The following WWOX variants were observed in gnomAD, a reference collection of about 807,000 sequenced individuals.
WWOX encodes the protein WW domain containing oxidoreductase.
A neutral mutation model predicts 46.2 loss-of-function variants in WWOX; 69 were observed. The ratio of observed to expected loss-of-function variants is 1.49; its 90% confidence interval spans 1.23 to 1.82. WWOX has a LOEUF of 1.82. WWOX is among the 40% of genes most tolerant of loss of function. The pLI is 0.00. For synonymous variants in WWOX, 359 were observed against 202.6 expected, an observed-to-expected ratio of 1.77 and a Z score of -6.56; for missense variants, 919 against 542.6, an observed-to-expected ratio of 1.69 and a Z score of -6.89.
intron 5 of WWOX, among the ~76,000 whole-genome samples, chr16:78,175,216 C>A (rs1250889960): frequency 2.6e-5 from 4 of 151,880 alleles, no homozygotes; most frequent in African/African-American, 7.3e-5. Flanking sequence ...CAGAGCCTAC[C>A]CTGTGTTCCT....
At chr16:78,831,672 T>C (rs1273798423) in intron 8 of WWOX, among the ~76,000 whole-genome samples, 3 of 152,130 alleles carry the variant, frequency 2.0e-5, no homozygotes, top group Admixed American at 1.3e-4. Flanking sequence ...TAATACTATT[T>C]CCATTGAGAA....
At chr16:79,100,370 C>G (rs1368446633) in intron 8 of WWOX, among the ~76,000 whole-genome samples, 2 of 152,108 alleles carry the variant, frequency 1.3e-5, no homozygotes, top group African/African-American at 2.4e-5. Flanking sequence ...CATTAGTGAT[C>G]CGATTCAGAA....
intron 8 of WWOX, among the ~76,000 whole-genome samples, chr16:78,517,054 T>A (rs940453478): frequency 6.6e-6 from 1 of 152,220 alleles, no homozygotes; most frequent in Admixed American, 6.5e-5. Context: ...ATATAGTTTT[T>A]AAAGTTTTAT....
At chr16:78,217,188 A>T (rs2036749683) in intron 5 of WWOX, among the ~76,000 whole-genome samples, 1 of 152,156 alleles carries the variant, frequency 6.6e-6, no homozygotes, top group African/African-American at 2.4e-5. Context: ...GTGAGAGCCC[A>T]TTGCCCTGCA....
intron 8 of WWOX, among the ~76,000 whole-genome samples, chr16:78,449,937 C>G (rs2083652456): frequency 6.6e-6 from 1 of 151,544 alleles, no homozygotes; most frequent in African/African-American, 2.4e-5. Context: ...TAAGGCTAGC[C>G]AATCATTTCA....
chr16:78,594,120 A>G (rs547623296), intron 8 of WWOX, among the ~76,000 whole-genome samples: 2 of 151,432 alleles, frequency 1.3e-5, no homozygotes, highest in Non-Finnish European at 2.9e-5. Context: ...CTCCTTCTCA[A>G]CTCCTCCTCC....
Position 79,114,408 on chromosome 16 carries a change from A to G in WWOX, c.1057-97200A>G, listed in dbSNP as rs144571178. On this transcript the variant is annotated intron_variant, in intron 8 of 8. Transcript: ENST00000566780. Reference sequence around the variant, plus strand: ...TATCTACGTATCTACATGTATGCACATACCTACATGCATGCACATACCTAC... The same window carrying G: ...TATCTACGTATCTACATGTATGCACGTACCTACATGCATGCACATACCTAC... Among the ~76,000 whole-genome samples, 505 of 151,622 alleles carry G rather than the reference A, an allele frequency of 3.3e-3. 2 individuals carry two copies. Among genetic ancestry groups the G allele is most frequent in the African/African-American group, 0.012 (489 of 41,332 alleles).
In WWOX at chr16:78,570,653, G is replaced by A. The variant is rs77884073; in HGVS notation, c.1056+137901G>A. Among the ~76,000 whole-genome samples, 30 of 152,174 alleles carry A rather than the reference G, an allele frequency of 2.0e-4. No individual in the cohort carries two copies. In the East Asian group the frequency reaches 3.3e-3, roughly 17 times the overall value. ...ACCAGCTTCCTACTAGAAGCCAGGC[G>A]TTTCTCAAGCTTCTGAAGACACAAA... On this transcript the variant is annotated intron_variant, in intron 8 of 8. Coordinates refer to ENST00000566780, the MANE Select transcript of WWOX (RefSeq NM_016373.4).
intron 8 of WWOX, among the ~76,000 whole-genome samples, chr16:78,990,090 G>A (rs1038871549): frequency 6.6e-6 from 1 of 151,554 alleles, no homozygotes; most frequent in African/African-American, 2.4e-5. Context: ...AGGCTGAAGT[G>A]GGAGGATCTT....
At chr16:79,158,162 TA>T (rs1413171681) in intron 8 of WWOX, among the ~76,000 whole-genome samples, 1 of 152,104 alleles carries the variant, frequency 6.6e-6, no homozygotes, top group Non-Finnish European at 1.5e-5. Context: ...TCTGGAAGTT[TA>T]AAAATATATA....
At chr16:78,547,729 C>G (rs1205944383) in intron 8 of WWOX, among the ~76,000 whole-genome samples, 5 of 152,132 alleles carry the variant, frequency 3.3e-5, no homozygotes, top group African/African-American at 7.2e-5. Context: ...GTCCTCATAT[C>G]GTGGGAGGGG....
At position 78,696,514 on chromosome 16, in the gene WWOX, C is replaced by G. The variant is rs369810585; in HGVS notation, c.1056+263762C>G. On this transcript the variant is annotated intron_variant, in intron 8 of 8. Transcript: ENST00000566780. Reference sequence around the variant, plus strand: ...TGGGCTAGTAATACGTGGTAGGATACTCTCTCACAATGCTAGGCCACAGCA... The same window carrying G: ...TGGGCTAGTAATACGTGGTAGGATAGTCTCTCACAATGCTAGGCCACAGCA... Among the ~76,000 whole-genome samples, 12 of 151,942 alleles carry G rather than the reference C, an allele frequency of 7.9e-5. No homozygotes were observed. The South Asian group carries it at 1.3e-3, about 16-fold the overall frequency.
At chr16:78,587,487 A>G (rs955700825) in intron 8 of WWOX, among the ~76,000 whole-genome samples, 1 of 152,148 alleles carries the variant, frequency 6.6e-6, no homozygotes, top group African/African-American at 2.4e-5. Flanking sequence ...ACGTGCATGA[A>G]TCTTTCAAGA....
At chr16:78,863,068 C>A (rs1273049056) in intron 8 of WWOX, among the ~76,000 whole-genome samples, 2 of 151,130 alleles carry the variant, frequency 1.3e-5, no homozygotes, top group East Asian at 2.0e-4. Flanking sequence ...AAGCGATTCT[C>A]CTGCCTCAGC....
At chr16:78,151,534 T>C (rs1597273565) in intron 4 of WWOX, among the ~76,000 whole-genome samples, 1 of 152,216 alleles carries the variant, frequency 6.6e-6, no homozygotes, top group East Asian at 1.9e-4. Flanking sequence ...GAAGTGCTCC[T>C]CCTTACCTGG....
At chr16:78,774,903 G>A (rs565712716) in intron 8 of WWOX, among the ~76,000 whole-genome samples, 211 of 152,308 alleles carry the variant, frequency 1.4e-3, no homozygotes, top group Non-Finnish European at 2.4e-3. Flanking sequence ...CAGATGGAAC[G>A]TCACCGTTGC....
intron 5 of WWOX, among the ~76,000 whole-genome samples, chr16:78,180,142 G>A (rs2035482452): frequency 6.6e-6 from 1 of 152,152 alleles, no homozygotes; most frequent in African/African-American, 2.4e-5. Flanking sequence ...CTTATTTACA[G>A]TCTATTATGT....
chr16:78,886,895 A>C (rs2044470205), intron 8 of WWOX, among the ~76,000 whole-genome samples: 1 of 152,078 alleles, frequency 6.6e-6, no homozygotes, highest in Non-Finnish European at 1.5e-5. Context: ...GGGCAAGGCT[A>C]CTTTTTCCTC....
intron 8 of WWOX, among the ~76,000 whole-genome samples, chr16:78,563,241 A>G (rs975034816): frequency 2.6e-5 from 4 of 152,194 alleles, no homozygotes; most frequent in Admixed American, 1.3e-4. Flanking sequence ...CACTTTGACA[A>G]TACTTTCCTT....
Sources: gnomAD v4.1 joint callset for allele counts (sites outside exome capture counted in the v4.1 genomes callset) on GRCh38, gnomAD v4.1.1 for gene constraint, MANE v1.5 for transcripts, NCBI Gene and HGNC (gene_info 2026-07-23, HGNC 2026-07-21) for gene names.